Variants in CLVS1 observed in about 807,000 individuals in gnomAD.
CLVS1 encodes the protein clavesin-1.
A neutral mutation model predicts 33.1 loss-of-function variants in CLVS1; 10 were observed. That is an observed-to-expected ratio of 0.30 (90% CI 0.19 to 0.51). The LOEUF (loss-of-function observed/expected upper bound fraction) is 0.51. Ranked by LOEUF, CLVS1 falls within the 20% of genes least tolerant of loss-of-function variation. The pLI is 0.97. For missense variants in CLVS1, 343 were observed against 433.4 expected, an observed-to-expected ratio of 0.79 and a Z score of 1.85; for synonymous variants, 163 against 166.1, an observed-to-expected ratio of 0.98 and a Z score of 0.14.
intron 1 of CLVS1, among the ~76,000 whole-genome samples, chr8:61,109,798 A>G (rs1240723068): frequency 6.6e-6 from 1 of 152,120 alleles, no homozygotes; most frequent in Non-Finnish European, 1.5e-5. Flanking sequence ...TGGTTTTATA[A>G]GAAGAGGAGG....
intron 2 of CLVS1, among the ~76,000 whole-genome samples, chr8:61,376,184 C>A (rs1268759065): frequency 3.3e-5 from 5 of 152,198 alleles, no homozygotes; most frequent in African/African-American, 4.8e-5. Flanking sequence ...TGAGGCCTCA[C>A]CTCATTTGTT....
chr8:61,246,097 GAGTAATTT>G (rs1808801445), intron 2 of CLVS1, among the ~76,000 whole-genome samples: 1 of 145,812 alleles, frequency 6.9e-6, no homozygotes, highest in Non-Finnish European at 1.5e-5. Context: ...TAAGATAAAT[GAGTAATTT>G]ATCTCTTCCA....
chr8:61,278,343 T>C (rs12155797), intron 2 of CLVS1, among the ~76,000 whole-genome samples: 2,304 of 152,326 alleles, frequency 0.015, 22 homozygotes, highest in Non-Finnish European at 0.024. Context: ...AACATCTCTT[T>C]AAATAGCATA....
intron 5 of CLVS1, among the ~76,000 whole-genome samples, chr8:61,494,997 T>C (rs1204036328): frequency 1.3e-5 from 2 of 152,150 alleles, no homozygotes; most frequent in Non-Finnish European, 2.9e-5. Flanking sequence ...AGAGTTGTCT[T>C]ATTGCTACTC....
chr8:61,238,031 G>T (rs1000622482), intron 2 of CLVS1, among the ~76,000 whole-genome samples: 2 of 152,130 alleles, frequency 1.3e-5, no homozygotes, highest in Admixed American at 6.5e-5. Flanking sequence ...CTGAGAGTCT[G>T]ATTTGGTCTA....
intron 3 of CLVS1, among the ~76,000 whole-genome samples, chr8:61,412,709 A>G (rs1815278061): frequency 6.6e-6 from 1 of 152,220 alleles, no homozygotes; most frequent in Non-Finnish European, 1.5e-5. Flanking sequence ...GTGTTCCAGG[A>G]ACAACAGGAG....
At chr8:61,358,659 C>T (rs1812847374) in intron 2 of CLVS1, among the ~76,000 whole-genome samples, 1 of 152,144 alleles carries the variant, frequency 6.6e-6, no homozygotes, top group African/African-American at 2.4e-5. Context: ...ATTGAGAACC[C>T]ATCTTCACTA....
At chr8:61,228,146 T>A (rs971037587) in intron 2 of CLVS1, among the ~76,000 whole-genome samples, 1 of 152,218 alleles carries the variant, frequency 6.6e-6, no homozygotes, top group African/African-American at 2.4e-5. Context: ...TCTAGTAATT[T>A]CTTATGATCC....
At chr8:60,990,125 C>CAA in the CLVS1 span, among the ~76,000 whole-genome samples, 283 of 38,304 alleles carry the variant, frequency 7.4e-3, 22 homozygotes, top group African/African-American at 0.024. Flanking sequence ...ACTCCATCTC[C>CAA]AAAAAAAAAA....
chr8:61,452,517 T>C (rs974203600), intron 3 of CLVS1, among the ~76,000 whole-genome samples: 1 of 152,204 alleles, frequency 6.6e-6, no homozygotes, highest in Non-Finnish European at 1.5e-5. Flanking sequence ...GCGCTTATTA[T>C]AAAGGAAACA....
chr8:61,299,739 G>A lies in CLVS1; in HGVS notation c.-89G>A. 1 of 966,380 alleles carries A rather than the reference G, an allele frequency of 1.0e-6. No homozygotes were observed. Among genetic ancestry groups the A allele is most frequent in the Non-Finnish European group, 1.5e-6 (1 of 646,868 alleles). The allele number at this position is 966,380 out of a possible 1,614,324, so 59.9% of individuals were successfully genotyped here. On this transcript the variant is annotated 5_prime_UTR_variant, in exon 2 of 6. It removes the in-frame stop codon of an upstream open reading frame in the 5' UTR. Transcript: ENST00000325897. ...ACACCACCACATAGGGCCTGAATGTGAAAGAAGACCCTCTATTTGTCTGTT... is the reference window on the plus strand; with the variant it reads ...ACACCACCACATAGGGCCTGAATGTAAAAGAAGACCCTCTATTTGTCTGTT...
At chr8:61,322,892 C>G (rs971838264) in intron 2 of CLVS1, among the ~76,000 whole-genome samples, 1 of 152,054 alleles carries the variant, frequency 6.6e-6, no homozygotes, top group Non-Finnish European at 1.5e-5. Context: ...CCAGTCTTTC[C>G]AAACAAAATT....
At chr8:61,153,639 C>A (rs1263056864) in intron 2 of CLVS1, among the ~76,000 whole-genome samples, 2 of 152,150 alleles carry the variant, frequency 1.3e-5, no homozygotes, top group Non-Finnish European at 2.9e-5. Context: ...TGGGACCCAG[C>A]ACAGCCCACA....
the CLVS1 span, among the ~76,000 whole-genome samples, chr8:61,034,161 A>G: frequency 6.6e-6 from 1 of 152,186 alleles, no homozygotes; most frequent in Non-Finnish European, 1.5e-5. Context: ...GAGAAACTGG[A>G]TGTGACTGTC....
At chr8:61,090,894 A>G (rs1367972) in intron 1 of CLVS1, 293,591 of 517,940 alleles carry the variant, frequency 0.57, 84,082 homozygotes, top group Middle Eastern at 0.66. Flanking sequence ...TGAAGCTGTA[A>G]TGAGTTAAGA....
chr8:61,247,927 G>A (rs1314702936), intron 2 of CLVS1, among the ~76,000 whole-genome samples: 1 of 152,084 alleles, frequency 6.6e-6, no homozygotes, highest in Non-Finnish European at 1.5e-5. Flanking sequence ...GTTTTACACT[G>A]AAGTCTTTAA....
rs113625976 is a variant in CLVS1 at position 61,345,757 on chromosome 8, A to G, written c.456-30848A>G. On this transcript the variant is annotated intron_variant, in intron 2 of 5. Transcript: ENST00000325897. The stretch of plus-strand genomic sequence containing the variant: ...AAGGGAAGAGATGGGGGAAAGAAAG[A>G]GGTAGAGAAGAGGAAAGGTGACTGA... 5.0e-3 allele frequency among the ~76,000 whole-genome samples: 767 copies of G among 151,918 alleles called. 4 individuals are homozygous for G. The highest frequency in any genetic ancestry group is 0.017 in the African/African-American group (700 of 41,362).
chr8:61,311,919 T>C (rs1810845106), intron 2 of CLVS1, among the ~76,000 whole-genome samples: 1 of 152,206 alleles, frequency 6.6e-6, no homozygotes, highest in African/African-American at 2.4e-5. Context: ...CAAAGGTCAG[T>C]GTCAGTAAAA....
intron 2 of CLVS1, among the ~76,000 whole-genome samples, chr8:61,164,974 C>T (rs1455460422): frequency 6.6e-6 from 1 of 152,178 alleles, no homozygotes; most frequent in East Asian, 1.9e-4. Flanking sequence ...ACCTGGGGTT[C>T]TTGGTCTCAC....
Sources: gnomAD v4.1 joint callset for allele counts (sites outside exome capture counted in the v4.1 genomes callset) on GRCh38, gnomAD v4.1.1 for gene constraint, MANE v1.5 for transcripts, NCBI Gene and HGNC (gene_info 2026-07-23, HGNC 2026-07-21) for gene names.